The following CYP27C1 variants were observed in gnomAD, a reference collection of about 807,000 sequenced individuals.
CYP27C1 encodes cytochrome P450 family 27 subfamily C member 1.
Under a neutral mutation model 40.6 loss-of-function variants are expected in CYP27C1, and 29 were observed. The ratio of observed to expected loss-of-function variants is 0.71; its 90% CI spans 0.53 to 0.97. The LOEUF (loss-of-function observed/expected upper bound fraction) is 0.97. Ranked by LOEUF, CYP27C1 falls within the 50% of genes least tolerant of loss-of-function variation. The probability of loss-of-function intolerance (pLI) is 0.00; values close to 1 mark genes in which losing one functional copy is unlikely to be tolerated. For synonymous variants in CYP27C1, 198 were observed against 186.8 expected, an observed-to-expected ratio of 1.06 and a Z score of -0.49; for missense variants, 390 against 485.8, an observed-to-expected ratio of 0.80 and a Z score of 1.85.
chr2:127,199,354 A>C, intron 5 of CYP27C1, 22 bp downstream of exon 5: 5 of 1,610,652 alleles, frequency 3.1e-6, no homozygotes, highest in Non-Finnish European at 4.2e-6. Context: ...TTGCTTGCTG[A>C]GAACAGGACC....
At chr2:127,194,987 G>C (rs928412483) in intron 6 of CYP27C1, among the ~76,000 whole-genome samples, 1 of 151,882 alleles carries the variant, frequency 6.6e-6, no homozygotes, top group Non-Finnish European at 1.5e-5. Flanking sequence ...CTACCACCAC[G>C]CCCTGCTAAT....
intron 5 of CYP27C1, among the ~76,000 whole-genome samples, chr2:127,198,638 T>A (rs561578628): frequency 6.6e-6 from 1 of 152,298 alleles, no homozygotes; most frequent in East Asian, 1.9e-4. Flanking sequence ...TAAAGCCACA[T>A]TTGTACTGTA....
chr2:127,204,489 G>GA (rs1558931107), intron 2 of CYP27C1, among the ~76,000 whole-genome samples: 527 of 29,912 alleles, frequency 0.018, 61 homozygotes, highest in Middle Eastern at 0.077. Context: ...AGAAAGAAAG[G>GA]AAGGAAGGAA....
chr2:127,192,226 C>T (rs917637422), intron 8 of CYP27C1, among the ~76,000 whole-genome samples: 13 of 152,256 alleles, frequency 8.5e-5, no homozygotes, highest in African/African-American at 2.9e-4. Flanking sequence ...CCTCGGTTTC[C>T]TCATCAGTAA....
At chr2:127,204,573 G>GA (rs1402337723) in intron 2 of CYP27C1, among the ~76,000 whole-genome samples, 13 of 79,342 alleles carry the variant, frequency 1.6e-4, no homozygotes, top group African/African-American at 6.5e-4. Context: ...AAGAAAGAAA[G>GA]AAAGAAAGAA....
intron 1 of CYP27C1, among the ~76,000 whole-genome samples, chr2:127,207,832 G>T (rs1309549429): frequency 1.3e-5 from 2 of 152,112 alleles, no homozygotes; most frequent in East Asian, 3.8e-4. Context: ...GGCAAGACAT[G>T]AAATAAATGG....
intron 6 of CYP27C1, among the ~76,000 whole-genome samples, chr2:127,194,515 C>T (rs1022296217): frequency 1.3e-5 from 2 of 152,094 alleles, no homozygotes; most frequent in Admixed American, 1.3e-4. Flanking sequence ...CACCTCCTAC[C>T]CAAACCATCC....
intron 2 of CYP27C1, among the ~76,000 whole-genome samples, chr2:127,204,485 A>AAGG (rs1683143288): frequency 5.0e-5 from 3 of 60,208 alleles, no homozygotes; most frequent in African/African-American, 1.4e-4. Context: ...AGAAAGAAAG[A>AAGG]AAGGAAGGAA....
chr2:127,189,442 G>C (rs902137857), intron 8 of CYP27C1, among the ~76,000 whole-genome samples: 3 of 151,928 alleles, frequency 2.0e-5, no homozygotes, highest in Admixed American at 1.3e-4. Context: ...ATCACACACA[G>C]GGGCCTGTCA....
In CYP27C1 at chr2:127,208,934, G is replaced by C. The variant is rs927968828; in HGVS notation, c.283-2844C>G. ...TTTAGCCTCTTCTCCTGGTAGTTCT[G>C]AGGAATCCAGGCAATCCAGACTAGT... On this transcript the variant is annotated intron_variant, in intron 1 of 8. Coordinates refer to ENST00000664447, the MANE Select transcript of CYP27C1 (RefSeq NM_001367502.1). The surrounding 1 kb of genome is among the most constrained non-coding windows in gnomAD (Gnocchi z 5.2). Among the ~76,000 whole-genome samples, 2 of 152,172 alleles carry C rather than the reference G, an allele frequency of 1.3e-5. No individual in the cohort carries two copies. The highest frequency in any genetic ancestry group is 1.5e-5 in the Non-Finnish European group (1 of 68,028).
intron 4 of CYP27C1, 23 bp from the exon 5 acceptor site, chr2:127,199,562 T>A: frequency 6.3e-7 from 1 of 1,595,438 alleles, no homozygotes; most frequent in South Asian, 1.1e-5. Flanking sequence ...AGTATTTCTT[T>A]TGAAAGGAGT....
rs1355195594 is a variant in CYP27C1, at chr2:127,184,935, T to G, written c.*2336A>C. 1 of 152,286 alleles carries G rather than the reference T, an allele frequency of 6.6e-6. No individual in the cohort carries two copies. Among genetic ancestry groups the G allele is most frequent in the African/African-American group, 2.4e-5 (1 of 41,422 alleles). The allele number at this position is 152,286 out of a possible 1,614,324, so 9.4% of individuals were successfully genotyped here. Reference sequence around the variant, plus strand: ...CCCAGACTTAAGCAATCCTCCAGCCTCAGCCTCCCAAATAGCTAGGACTAC... The same window carrying G: ...CCCAGACTTAAGCAATCCTCCAGCCGCAGCCTCCCAAATAGCTAGGACTAC... On this transcript the variant is annotated 3_prime_UTR_variant, in exon 9 of 9. Coordinates refer to ENST00000664447, the MANE Select transcript of CYP27C1 (RefSeq NM_001367502.1).
chr2:127,204,535 AAGAGAGAG>A (rs372686054), intron 2 of CYP27C1, among the ~76,000 whole-genome samples: 21 of 46,872 alleles, frequency 4.5e-4, no homozygotes, highest in African/African-American at 1.5e-3. Flanking sequence ...GAAAGAAAGA[AAGAGAGAG>A]AGAGAGAGAG....
At position 127,201,222 on chromosome 2, in the gene CYP27C1, C is replaced by T; in HGVS notation, c.783G>A (p.Lys261=). Residue 261 remains lysine, a synonymous_variant, in exon 4 of 9, where the codon AAG becomes AAA. Transcript: ENST00000664447. This position sits in a 1 kb window ranked among gnomAD's most constrained non-coding sequence, Gnocchi z 6.0. The stretch of plus-strand genomic sequence containing the variant: ...GGATGGCGCCTGCATACATGGAGGT[C>T]TTGAACATGCTAAACATGAGCTCCA... ...EALELMFSMF[K]TSMYAGAIPR... is the part of the protein sequence containing the mutation. The T allele has an allele frequency of 6.2e-7, 1 of 1,613,852 alleles. No individual in the cohort carries two copies. Among genetic ancestry groups the T allele is most frequent in the Non-Finnish European group, 8.5e-7 (1 of 1,179,890 alleles).
At chr2:127,204,930 C>T (rs1197023930) in intron 2 of CYP27C1, among the ~76,000 whole-genome samples, 1 of 152,252 alleles carries the variant, frequency 6.6e-6, no homozygotes, top group Non-Finnish European at 1.5e-5. Flanking sequence ...AGGAGACCAC[C>T]TGCACTCAAA....
At chr2:127,215,650 G>A (rs1433077661) in intron 1 of CYP27C1, among the ~76,000 whole-genome samples, 1 of 152,258 alleles carries the variant, frequency 6.6e-6, no homozygotes, top group African/African-American at 2.4e-5. Context: ...CAGGTGGATT[G>A]CTTGAGCCCA....
intron 8 of CYP27C1, among the ~76,000 whole-genome samples, chr2:127,187,729 G>A (rs73953279): frequency 1.3e-5 from 2 of 152,176 alleles, no homozygotes; most frequent in East Asian, 1.9e-4. Flanking sequence ...GATGAAGAAG[G>A]CATCAAAGGA....
In CYP27C1 at chr2:127,186,855, A is replaced by G. The variant is rs1682636360; in HGVS notation, c.*416T>C. On this transcript the variant is annotated 3_prime_UTR_variant, in exon 9 of 9. Coordinates refer to ENST00000664447, the MANE Select transcript of CYP27C1 (RefSeq NM_001367502.1). This position sits in a 1 kb window ranked among gnomAD's most constrained non-coding sequence, Gnocchi z 4.5. ...AAACAGTAAGTTGAAATTGCCTTCA[A>G]CTTACTGTTGATGGCAATTTGAGCC... 1 of 156,650 alleles carries G rather than the reference A, an allele frequency of 6.4e-6. No individual in the cohort carries two copies. The allele number at this position is 156,650 out of a possible 1,614,324, so 9.7% of individuals were successfully genotyped here.
intron 1 of CYP27C1, among the ~76,000 whole-genome samples, chr2:127,215,362 T>C (rs565947414): frequency 2.0e-5 from 3 of 152,144 alleles, no homozygotes; most frequent in Admixed American, 2.0e-4. Flanking sequence ...TCACACTATA[T>C]AAAAAAATTA....
Sources: gnomAD v4.1 joint callset for allele counts (sites outside exome capture counted in the v4.1 genomes callset) on GRCh38, gnomAD v4.1.1 for gene constraint, Gnocchi (gnomAD v3.1) non-coding constraint, MANE v1.5 for transcripts, NCBI Gene and HGNC (gene_info 2026-07-23, HGNC 2026-07-21) for gene names.